Variants in CYP51A1 observed in about 807,000 individuals in gnomAD.
CYP51A1 encodes the protein cytochrome P450 family 51 subfamily A member 1.
A neutral mutation model predicts 53.5 loss-of-function variants in CYP51A1; 45 were observed. The observed-to-expected ratio is 0.84, with a 90% confidence interval of 0.66 to 1.08. The LOEUF (loss-of-function observed/expected upper bound fraction) is 1.08, where lower values mean the gene tolerates loss of function less well. Ranked by LOEUF, CYP51A1 falls within the 50% of genes least tolerant of loss-of-function variation. CYP51A1 has a pLI of 0.00. For missense variants in CYP51A1, 462 were observed against 621.7 expected (o/e 0.74, Z 2.73); for synonymous variants, 181 against 217.7 (o/e 0.83, Z 1.48).
chr7:92,134,276 C>T lies in CYP51A1; in HGVS notation c.89G>A (p.Gly30Asp). Residue 30 changes from glycine to aspartate, a missense_variant, in exon 1 of 10, where the codon GGC (glycine) becomes GAC (aspartate). Coordinates refer to ENST00000003100, the MANE Select transcript of CYP51A1 (RefSeq NM_000786.4). ...GATCAGCAGCATGGACAAGAGGTTG[C>T]CGCCTGTCACCTTCTCCATCGCCTG... ...LGQAMEKVTG[G>D]NLLSMLLIAC... The T allele has an allele frequency of 6.2e-7, 1 of 1,612,268 alleles. No individual in the cohort carries two copies. The highest frequency in any genetic ancestry group is 1.1e-5 in the South Asian group (1 of 90,862).
chr7:92,119,645 G>C (rs1243504057), intron 7 of CYP51A1, among the ~76,000 whole-genome samples: 1 of 152,100 alleles, frequency 6.6e-6, no homozygotes, highest in African/African-American at 2.4e-5. Context: ...AATAAACCCA[G>C]GGAGGAGGGC....
At chr7:92,131,915 C>T (rs1563182508) in intron 1 of CYP51A1, 43 bp from the exon 2 acceptor site, 1 of 1,224,876 alleles carries the variant, frequency 8.2e-7, no homozygotes, top group Non-Finnish European at 1.2e-6. Context: ...TGTTTCATTT[C>T]AAGAGAGAAA....
chr7:92,115,514 AAG>A (rs1280568306), intron 9 of CYP51A1, among the ~76,000 whole-genome samples: 5 of 152,196 alleles, frequency 3.3e-5, no homozygotes, highest in African/African-American at 1.2e-4. Context: ...AGATGCAAGG[AAG>A]GATTCTCCTG....
chr7:92,115,820 C>T (rs1038129404), intron 9 of CYP51A1, among the ~76,000 whole-genome samples: 2 of 152,152 alleles, frequency 1.3e-5, no homozygotes, highest in Non-Finnish European at 2.9e-5. Flanking sequence ...TGACAGCTGT[C>T]CAAACATAGA....
chr7:92,123,362 T>G (rs1819730045), intron 6 of CYP51A1, 47 bp from the exon 7 acceptor site: 1 of 1,474,478 alleles, frequency 6.8e-7, no homozygotes, highest in African/African-American at 1.4e-5. Context: ...GGCAGATACA[T>G]TTCATGCCTC....
At chr7:92,132,660 T>A (rs2130958996) in intron 1 of CYP51A1, among the ~76,000 whole-genome samples, 1 of 152,320 alleles carries the variant, frequency 6.6e-6, no homozygotes, top group Non-Finnish European at 1.5e-5. Flanking sequence ...ACTTGTAGTA[T>A]AGAAAGAAGG....
chr7:92,130,270 G>A (rs893678119), intron 2 of CYP51A1, among the ~76,000 whole-genome samples: 2 of 152,064 alleles, frequency 1.3e-5, no homozygotes, highest in African/African-American at 2.4e-5. Flanking sequence ...TCTGTGTTTC[G>A]TTTCTCTCAC....
Position 92,126,270 on chromosome 7 carries a change from C to A in CYP51A1, c.753G>T (p.Leu251=), listed in dbSNP as rs371903504. 1.9e-5 allele frequency: 31 copies of A among 1,602,482 alleles called. No homozygotes were observed. The highest frequency in any genetic ancestry group is 4.5e-5 in the South Asian group (4 of 88,578). Reference sequence around the variant, plus strand: ...ATCCATACCTGAAACTAGGCAAAGGCAGCCAACCTGGTAAGAGCCAGGCTG... The same window carrying A: ...ATCCATACCTGAAACTAGGCAAAGGAAGCCAACCTGGTAAGAGCCAGGCTG... The part of the protein sequence containing the change: ...SHAAWLLPGW[L]PLPSFRRRDR... Residue 251 remains leucine, a synonymous_variant, in exon 5 of 10, where the codon CTG becomes CTT. Coordinates refer to ENST00000003100, the MANE Select transcript of CYP51A1 (RefSeq NM_000786.4).
chr7:92,134,119 C>G, intron 1 of CYP51A1, 54 bp downstream of exon 1: 1 of 1,566,806 alleles, frequency 6.4e-7, no homozygotes, highest in South Asian at 1.1e-5. Context: ...GCCAGCCCTT[C>G]GGCCGCCTCA....
intron 6 of CYP51A1, 113 bp downstream of exon 6, chr7:92,123,621 G>A: frequency 9.7e-7 from 1 of 1,032,402 alleles, no homozygotes; most frequent in East Asian, 2.5e-5. Flanking sequence ...AAAGATCACA[G>A]CTACCAACTT....
intron 6 of CYP51A1, 70 bp downstream of exon 6, chr7:92,123,664 A>C: frequency 7.1e-7 from 1 of 1,417,696 alleles, no homozygotes; most frequent in Non-Finnish European, 9.5e-7. Flanking sequence ...TTAACTGGAA[A>C]TACTATTTAA....
chr7:92,119,847 T>C (rs534694447), intron 7 of CYP51A1, among the ~76,000 whole-genome samples: 157 of 150,986 alleles, frequency 1.0e-3, no homozygotes, highest in African/African-American at 3.8e-3. Flanking sequence ...TATAAACAGG[T>C]TCAAAGAACT....
chr7:92,118,657 C>T (rs748778920), intron 7 of CYP51A1, 42 bp from the exon 8 acceptor site: 1 of 1,118,220 alleles, frequency 8.9e-7, no homozygotes, highest in Non-Finnish European at 1.4e-6. Context: ...AAATAACATA[C>T]TTCAACAGTA....
chr7:92,119,583 C>T (rs1036323220), intron 7 of CYP51A1, among the ~76,000 whole-genome samples: 24 of 152,082 alleles, frequency 1.6e-4, no homozygotes, highest in Admixed American at 1.1e-3. Context: ...ATCCAGGAAA[C>T]GCAGTAAACA....
In CYP51A1 at chr7:92,131,849, G is replaced by T. The variant is rs768667144; in HGVS notation, c.216C>A (p.Ser72=). The T allele has an allele frequency of 6.3e-7, 1 of 1,597,052 alleles. No individual in the cohort carries two copies. Among genetic ancestry groups the T allele is most frequent in the South Asian group, 1.1e-5 (1 of 89,208 alleles). Residue 72 remains serine (S), a synonymous_variant, in exon 2 of 10, where the codon TCC becomes TCA. Transcript: ENST00000003100. ...TGGCATGCCCAAGGAATGGAATTGG[G>T]GAGAAAATGTATGGAGGACTTTTCT... The part of the protein sequence containing the change: ...AGVKSPPYIF[S]PIPFLGHAIA...
At position 92,123,241 on chromosome 7, in the gene CYP51A1, G is replaced by T; in HGVS notation, c.965C>A (p.Ser322Tyr). The change falls in exon 7 of 10, where the codon TCC (serine) becomes TAC (tyrosine). Residue 322 changes from serine to tyrosine, a missense_variant. By Grantham distance (144) the Ser-to-Tyr change is moderately radical. Coordinates refer to ENST00000003100, the MANE Select transcript of CYP51A1 (RefSeq NM_000786.4). Reference sequence around the variant, plus strand: ...GCCCATCCAAGCACTAGTAGTTGAGGATGTATGCTGCCCTGCCAAGAGTAA... The same window carrying T: ...GCCCATCCAAGCACTAGTAGTTGAGTATGTATGCTGCCCTGCCAAGAGTAA... ...IGLLLAGQHT[S>Y]STTSAWMGFF... 2 of 1,614,042 alleles carry T rather than the reference G, an allele frequency of 1.2e-6. No individual in the cohort carries two copies. The highest frequency in any genetic ancestry group is 1.1e-5 in the South Asian group (1 of 91,082).
At chr7:92,131,977 C>A (rs1584639431) in intron 1 of CYP51A1, 105 bp from the exon 2 acceptor site, 18 of 520,404 alleles carry the variant, frequency 3.5e-5, no homozygotes, top group African/African-American at 1.1e-4. Flanking sequence ...ATTAAGACTT[C>A]AAAAAAAAGT....
chr7:92,127,597 C>A lies in CYP51A1; in HGVS notation c.503G>T (p.Gly168Val). 6.2e-7 allele frequency: 1 copy of A among 1,613,458 alleles called. No individual in the cohort carries two copies. Among genetic ancestry groups the A allele is most frequent in the Non-Finnish European group, 8.5e-7 (1 of 1,179,684 alleles). ...CTGTTTAAAGTGGGCTATGTTAAGGCCACTTTTTAACATTTTCTTCTGCTC... is the reference window on the plus strand; with the variant it reads ...CTGTTTAAAGTGGGCTATGTTAAGGACACTTTTTAACATTTTCTTCTGCTC... Reference protein sequence around the residue: ...FLEQKKMLKSGLNIAHFKQHV... With the variant: ...FLEQKKMLKSVLNIAHFKQHV... Residue 168 changes from glycine to valine, a missense_variant, in exon 4 of 10, where the codon GGC becomes GTC. Transcript: ENST00000003100.
chr7:92,113,886 C>G, intron 9 of CYP51A1, 43 bp from the exon 10 acceptor site: 1 of 1,403,078 alleles, frequency 7.1e-7, no homozygotes, highest in Non-Finnish European at 9.8e-7. Context: ...TAAATTCTTT[C>G]TCATCCTTTT....
Sources: gnomAD v4.1 joint callset for allele counts (sites outside exome capture counted in the v4.1 genomes callset) on GRCh38, gnomAD v4.1.1 for gene constraint, MANE v1.5 for transcripts, NCBI Gene and HGNC (gene_info 2026-07-23, HGNC 2026-07-21) for gene names.